Variants in CNTN5 observed in about 807,000 individuals in gnomAD.
CNTN5 encodes contactin 5, also known as contactin-5.
Under a neutral mutation model 129.1 loss-of-function variants are expected in CNTN5, and 77 were observed. The observed-to-expected ratio is 0.60, with a 90% CI of 0.50 to 0.72. The LOEUF (loss-of-function observed/expected upper bound fraction) is 0.72. CNTN5 is among the 30% of genes least tolerant of loss of function. The pLI is 0.00. For synonymous variants in CNTN5, 509 were observed against 465.6 expected (o/e 1.09, Z -1.20); for missense variants, 1,478 against 1,328.8 (o/e 1.11, Z -1.75).
At position 99,259,959 on chromosome 11, in the gene CNTN5, C is replaced by G. The variant is rs146196251; in HGVS notation, c.-209-65387C>G. Among the ~76,000 whole-genome samples, 887 of 151,650 alleles carry G rather than the reference C, an allele frequency of 5.8e-3. 7 individuals carry two copies. Among genetic ancestry groups the G allele is most frequent in the Non-Finnish European group, 0.01 (711 of 67,726 alleles). ...TTCATAACCTTTTATCATTTTTTCA[C>G]TTTTTTAATTTTCCTTGTCAATTTG... is the stretch of plus-strand genomic sequence containing the variant. On this transcript the variant is annotated intron_variant, in intron 1 of 24. Coordinates refer to ENST00000524871, the MANE Select transcript of CNTN5 (RefSeq NM_014361.4).
At chr11:99,280,276 A>G (rs916374807) in intron 1 of CNTN5, among the ~76,000 whole-genome samples, 2 of 151,816 alleles carry the variant, frequency 1.3e-5, no homozygotes, top group Non-Finnish European at 2.9e-5. Flanking sequence ...TGCAAAATTT[A>G]ACACATATGA....
chr11:99,997,577 C>T (rs374368728), intron 8 of CNTN5, among the ~76,000 whole-genome samples: 1 of 152,126 alleles, frequency 6.6e-6, no homozygotes, highest in Non-Finnish European at 1.5e-5. Flanking sequence ...ACCAGAGGTA[C>T]AAGGAGGAAC....
intron 7 of CNTN5, among the ~76,000 whole-genome samples, chr11:99,932,135 AG>A (rs1363757589): frequency 6.7e-6 from 1 of 149,500 alleles, no homozygotes; most frequent in Non-Finnish European, 1.5e-5. Flanking sequence ...TGTCATTTCC[AG>A]TGCCAGAAAT....
intron 1 of CNTN5, among the ~76,000 whole-genome samples, chr11:99,178,704 T>TA (rs1242568972): frequency 2.0e-5 from 3 of 152,190 alleles, no homozygotes; most frequent in Admixed American, 2.0e-4. Flanking sequence ...AAGTACTGTG[T>TA]GACATTTAGC....
intron 9 of CNTN5, among the ~76,000 whole-genome samples, chr11:100,060,305 A>G (rs1297642985): frequency 6.6e-6 from 1 of 152,164 alleles, no homozygotes; most frequent in East Asian, 1.9e-4. Flanking sequence ...ATACAATGAA[A>G]TAATTTGCAA....
chr11:99,756,382 T>A (rs558030971), intron 3 of CNTN5, among the ~76,000 whole-genome samples: 30 of 152,252 alleles, frequency 2.0e-4, no homozygotes, highest in African/African-American at 7.0e-4. Context: ...GTGTATTATT[T>A]GCATAGATTA....
At chr11:99,413,667 G>T (rs1020445027) in intron 2 of CNTN5, among the ~76,000 whole-genome samples, 2 of 151,834 alleles carry the variant, frequency 1.3e-5, no homozygotes, top group Non-Finnish European at 2.9e-5. Context: ...AAACAAAAAA[G>T]ATTTCACCAG....
chr11:99,315,639 A>C (rs1021347014), intron 1 of CNTN5, among the ~76,000 whole-genome samples: 5 of 149,614 alleles, frequency 3.3e-5, no homozygotes, highest in African/African-American at 1.2e-4. Context: ...GCATAGGAAA[A>C]AATAGATAAT....
intron 2 of CNTN5, among the ~76,000 whole-genome samples, chr11:99,408,957 C>T (rs1403459191): frequency 6.6e-6 from 1 of 152,138 alleles, no homozygotes; most frequent in Non-Finnish European, 1.5e-5. Flanking sequence ...CCCAAGTCAA[C>T]TTTCTCTCTT....
intron 13 of CNTN5, among the ~76,000 whole-genome samples, chr11:100,117,141 T>C (rs1022248762): frequency 1.3e-5 from 2 of 152,044 alleles, no homozygotes; most frequent in East Asian, 3.9e-4. Context: ...AAGGACCTAC[T>C]GTCTTCTGAA....
At chr11:99,366,839 C>T (rs995630621) in intron 2 of CNTN5, among the ~76,000 whole-genome samples, 16 of 152,038 alleles carry the variant, frequency 1.1e-4, no homozygotes, top group African/African-American at 3.1e-4. Context: ...TTGTCCTGAA[C>T]GCATTTTGCA....
chr11:99,142,800 C>G (rs920935407), intron 1 of CNTN5, among the ~76,000 whole-genome samples: 3 of 152,150 alleles, frequency 2.0e-5, no homozygotes, highest in Non-Finnish European at 4.4e-5. Flanking sequence ...TTGCAGCTCT[C>G]CCTGACAGCA....
chr11:100,045,648 A>C (rs1942627277), intron 9 of CNTN5, among the ~76,000 whole-genome samples: 1 of 152,034 alleles, frequency 6.6e-6, no homozygotes, highest in Non-Finnish European at 1.5e-5. Context: ...CTCCAAAATG[A>C]GACTGGAAAC....
chr11:100,073,061 T>G (rs1444883192), intron 12 of CNTN5, among the ~76,000 whole-genome samples: 1 of 151,030 alleles, frequency 6.6e-6, no homozygotes, highest in African/African-American at 2.4e-5. Flanking sequence ...TTAACTTTTT[T>G]TCTTTGAGAC....
intron 2 of CNTN5, among the ~76,000 whole-genome samples, chr11:99,478,200 A>C (rs1398541444): frequency 6.6e-6 from 1 of 152,110 alleles, no homozygotes; most frequent in Admixed American, 6.5e-5. Context: ...CTCTCACAAG[A>C]CTGCAATGAA....
chr11:99,147,250 C>T (rs1297044401), intron 1 of CNTN5, among the ~76,000 whole-genome samples: 2 of 152,012 alleles, frequency 1.3e-5, no homozygotes, highest in African/African-American at 2.4e-5. Flanking sequence ...ATTAAGGTGA[C>T]ATATAATTAG....
chr11:99,849,174 A>G (rs934004786), intron 6 of CNTN5, among the ~76,000 whole-genome samples: 12 of 151,736 alleles, frequency 7.9e-5, no homozygotes, highest in African/African-American at 2.9e-4. Flanking sequence ...AATTATCCAT[A>G]TACTAACAAT....
At chr11:100,052,855 C>T (rs1591139368) in intron 9 of CNTN5, among the ~76,000 whole-genome samples, 1 of 151,542 alleles carries the variant, frequency 6.6e-6, no homozygotes, top group African/African-American at 2.4e-5. Flanking sequence ...GAGACATTGG[C>T]ATAAAGATAG....
intron 1 of CNTN5, among the ~76,000 whole-genome samples, chr11:99,254,576 A>G (rs1862281303): frequency 6.6e-6 from 1 of 151,948 alleles, no homozygotes; most frequent in Admixed American, 6.6e-5. Flanking sequence ...AGTAATATGA[A>G]CTATATTTGT....
Sources: allele counts gnomAD v4.1 joint callset (sites outside exome capture counted in the v4.1 genomes callset), GRCh38; gene constraint gnomAD v4.1.1; transcripts MANE v1.5; gene names NCBI Gene and HGNC (gene_info 2026-07-23, HGNC 2026-07-21).